Variants in NCAM1 observed in about 807,000 individuals in gnomAD.
NCAM1 encodes antigen recognized by monoclonal antibody 5.1H11.
In NCAM1, 14 loss-of-function variants were observed where a neutral mutation model predicts 109.8. The ratio of observed to expected loss-of-function variants is 0.13; its 90% confidence interval spans 0.08 to 0.20. The LOEUF (loss-of-function observed/expected upper bound fraction) is 0.20. NCAM1 is among the 10% of genes least tolerant of loss of function. NCAM1 has a pLI of 1.00. For missense variants in NCAM1, 774 were observed against 1,109.9 expected (o/e 0.70, Z 4.30); for synonymous variants, 418 against 442.9 (o/e 0.94, Z 0.70).
chr11:113,235,213 T>TG, intron 14 of NCAM1, 49 bp downstream of exon 14: 2 of 1,613,160 alleles, frequency 1.2e-6, no homozygotes, highest in Non-Finnish European at 1.7e-6. Flanking sequence ...TTCTTCTCCC[T>TG]GGGGGCAGTG....
intron 14 of NCAM1, chr11:113,236,229 T>C: frequency 1.3e-6 from 2 of 1,491,590 alleles, no homozygotes; most frequent in Non-Finnish European, 1.9e-6. Context: ...TTCTTTTACA[T>C]CTTATTTTTT....
intron 1 of NCAM1, among the ~76,000 whole-genome samples, chr11:113,179,758 G>A (rs1943275398): frequency 6.6e-6 from 1 of 152,218 alleles, no homozygotes; most frequent in Non-Finnish European, 1.5e-5. Context: ...CTAGAGATAA[G>A]AGGATGTCTG....
At chr11:113,001,608 C>G (rs556632975) in intron 1 of NCAM1, among the ~76,000 whole-genome samples, 25 of 152,242 alleles carry the variant, frequency 1.6e-4, no homozygotes, top group African/African-American at 5.5e-4. Context: ...ACTGGACACT[C>G]TGTTGTCCCT....
In NCAM1 at chr11:113,217,684, T is replaced by C. The variant is rs143724996; in HGVS notation, c.1059+3173T>C. Among the ~76,000 whole-genome samples the C allele has an allele frequency of 4.4e-3, 676 of 152,332 alleles. 5 individuals carry two copies. Among genetic ancestry groups the C allele is most frequent in the Admixed American group, 6.2e-3 (95 of 15,308 alleles). Reference sequence around the variant, plus strand: ...AGGTCTTTTTTACATGATCCCCATTTAAGCCACATATCCCCTATCCTGTTC... The same window carrying C: ...AGGTCTTTTTTACATGATCCCCATTCAAGCCACATATCCCCTATCCTGTTC... On this transcript the variant is annotated intron_variant, in intron 8 of 19. Transcript: ENST00000316851.
intron 1 of NCAM1, among the ~76,000 whole-genome samples, chr11:113,180,785 G>A (rs1434312850): frequency 7.2e-5 from 11 of 152,218 alleles, no homozygotes; most frequent in Non-Finnish European, 1.5e-4. Context: ...CCAGCTGCTA[G>A]CTGTGTAATA....
At chr11:112,982,904 G>A (rs782108533) in intron 1 of NCAM1, among the ~76,000 whole-genome samples, 12 of 151,856 alleles carry the variant, frequency 7.9e-5, no homozygotes, top group African/African-American at 2.4e-4. Context: ...GAGAGATCAC[G>A]TTAGAGACAT....
chr11:113,114,845 A>C lies in NCAM1; in HGVS notation c.53-87534A>C, dbSNP rs1665660371. ...ATCTCATGGAGCTTGTATTGTAGAC[A>C]TGCATCAAAATTTTGTATCTGAAGT... On this transcript the variant is annotated intron_variant, in intron 1 of 19. Transcript: ENST00000316851. Among the ~76,000 whole-genome samples, 6 of 152,346 alleles carry C rather than the reference A, an allele frequency of 3.9e-5. No individual in the cohort carries two copies. In the South Asian group the frequency reaches 1.2e-3, roughly 32 times the overall value.
intron 1 of NCAM1, among the ~76,000 whole-genome samples, chr11:112,987,770 T>G (rs556571195): frequency 6.6e-6 from 1 of 152,160 alleles, no homozygotes; most frequent in Non-Finnish European, 1.5e-5. Flanking sequence ...TTTTATTCTA[T>G]GTTTGTCCTT....
rs950890355 is a variant in NCAM1 at position 113,055,671 on chromosome 11, C to T, written c.52+94007C>T. ...GGTCTTCATGCCCTTGTCTAATCTT[C>T]TTCCCTTGAAGTGAGACCTGTGATT... On this transcript the variant is annotated intron_variant, in intron 1 of 19. Coordinates refer to ENST00000316851, the MANE Select transcript of NCAM1 (RefSeq NM_181351.5). Among the ~76,000 whole-genome samples the T allele has an allele frequency of 3.3e-5, 5 of 152,088 alleles. No homozygotes were observed. The South Asian group carries it at 1.0e-3, about 32-fold the overall frequency.
chr11:113,144,259 C>T (rs886562264), intron 1 of NCAM1, among the ~76,000 whole-genome samples: 2 of 152,132 alleles, frequency 1.3e-5, no homozygotes, highest in Non-Finnish European at 2.9e-5. Flanking sequence ...CTGATTTCCT[C>T]GTGTGATTAT....
intron 9 of NCAM1, among the ~76,000 whole-genome samples, chr11:113,227,875 A>G (rs953008742): frequency 7.2e-5 from 11 of 152,214 alleles, no homozygotes; most frequent in Admixed American, 4.6e-4. Flanking sequence ...CTTTGATAAA[A>G]TCCAACAACC....
At position 113,232,772 on chromosome 11, in the gene NCAM1, C is replaced by T. The variant is rs781871823; in HGVS notation, c.1480C>T (p.Arg494Cys). The T allele has an allele frequency of 4.3e-6, 7 of 1,613,802 alleles. No individual in the cohort carries two copies. Among genetic ancestry groups the T allele is most frequent in the East Asian group, 2.2e-5 (1 of 44,892 alleles). The change falls in exon 12 of 20, where the codon CGC (arginine) becomes TGC (cysteine). Residue 494 changes from arginine to cysteine, a missense_variant. By Grantham distance (180) the Arg-to-Cys change is radical. Coordinates refer to ENST00000316851, the MANE Select transcript of NCAM1 (RefSeq NM_181351.5). ...GAACTACAACTGTACTGCAGTGAAC[C>T]GCATTGGGCAGGAGTCCTTGGAATT... ...FGNYNCTAVNRIGQESLEFIL... is the reference protein window; with the variant it reads ...FGNYNCTAVNCIGQESLEFIL...
At chr11:112,971,093 G>A (rs1950866360) in intron 1 of NCAM1, among the ~76,000 whole-genome samples, 2 of 151,888 alleles carry the variant, frequency 1.3e-5, no homozygotes, top group African/African-American at 2.4e-5. Flanking sequence ...TCTGTTTAAC[G>A]GGCTTCCATA....
At position 112,974,558 on chromosome 11, in the gene NCAM1, T is replaced by C. The variant is rs1254265276; in HGVS notation, c.52+12894T>C. On this transcript the variant is annotated intron_variant, in intron 1 of 19. Transcript: ENST00000316851. ...ATCCAAAATTTTGCAGCAGGCACGG[T>C]ATAAGTCCAACTACTATTTTTCTCT... 3.9e-5 allele frequency among the ~76,000 whole-genome samples: 6 copies of C among 152,162 alleles called. No individual in the cohort carries two copies. The East Asian group carries it at 1.2e-3, about 30-fold the overall frequency.
intron 2 of NCAM1, 138 bp from the exon 3 acceptor site, chr11:113,204,148 A>T (rs1009343416): frequency 5.9e-6 from 4 of 679,984 alleles, no homozygotes; most frequent in Non-Finnish European, 9.9e-6. Flanking sequence ...TCCAGCAGCC[A>T]TACTCACCCC....
intron 1 of NCAM1, among the ~76,000 whole-genome samples, chr11:112,998,585 C>G (rs1167281130): frequency 1.3e-5 from 2 of 152,050 alleles, no homozygotes; most frequent in Non-Finnish European, 2.9e-5. Flanking sequence ...AGGTTATGGT[C>G]CCATCTATCC....
chr11:113,035,177 T>C (rs1952832694), intron 1 of NCAM1, among the ~76,000 whole-genome samples: 1 of 152,208 alleles, frequency 6.6e-6, no homozygotes, highest in Admixed American at 6.5e-5. Flanking sequence ...GAAACACCCT[T>C]AGACCTTATA....
chr11:112,982,577 G>A (rs1555068928), intron 1 of NCAM1, among the ~76,000 whole-genome samples: 2 of 151,814 alleles, frequency 1.3e-5, no homozygotes, highest in Admixed American at 1.3e-4. Flanking sequence ...GGTGATGGGA[G>A]GTGGAATTGG....
rs782744598 is a variant in NCAM1, at chr11:113,255,994, A to T, written c.1946A>T (p.Tyr649Phe). The T allele has an allele frequency of 1.9e-6, 3 of 1,599,710 alleles. No individual in the cohort carries two copies. The South Asian group carries it at 3.4e-5, about 18-fold the overall frequency. ...GSPIRHYLVR[Y>F]RALSSEWKPE... is the part of the protein sequence containing the mutation. ...CCCATCAGACACTATCTGGTCAGGT[A>T]CCGAGCGGTGAGTGGCCTCCTTCTC... Residue 649 changes from tyrosine to phenylalanine, a missense_variant, in exon 16 of 20, where the codon TAC (tyrosine) becomes TTC (phenylalanine). Coordinates refer to ENST00000316851, the MANE Select transcript of NCAM1 (RefSeq NM_181351.5).
Sources: allele counts gnomAD v4.1 joint callset (sites outside exome capture counted in the v4.1 genomes callset), GRCh38; gene constraint gnomAD v4.1.1; transcripts MANE v1.5; gene names NCBI Gene and HGNC (gene_info 2026-07-23, HGNC 2026-07-21).